GATB: variants seen among roughly 807,000 people sequenced by gnomAD.
GATB encodes the protein glutamyl-tRNA amidotransferase subunit B.
A neutral mutation model predicts 62.3 loss-of-function variants in GATB; 39 were observed. The observed-to-expected ratio is 0.63, with a 90% confidence interval of 0.48 to 0.82. GATB has a LOEUF of 0.82. GATB is among the 40% of genes least tolerant of loss of function. GATB has a pLI of 0.00. For synonymous variants in GATB, 276 were observed against 258.9 expected (o/e 1.07, Z -0.63); for missense variants, 670 against 684.0 (o/e 0.98, Z 0.23).
chr4:151,719,964 T>C (rs1474736475), intron 2 of GATB: 1 of 152,918 alleles, frequency 6.5e-6, no homozygotes, highest in African/African-American at 2.4e-5. Context: ...TGGCTTCACT[T>C]TGACAGAAAA....
chr4:151,692,396 CCA>C (rs1437657390), intron 9 of GATB, among the ~76,000 whole-genome samples: 1 of 152,210 alleles, frequency 6.6e-6, no homozygotes, highest in Non-Finnish European at 1.5e-5. Context: ...AAGCACTTTC[CCA>C]CACTTCCATT....
At chr4:151,731,318 T>C (rs1739243780) in intron 2 of GATB, among the ~76,000 whole-genome samples, 1 of 152,214 alleles carries the variant, frequency 6.6e-6, no homozygotes. Context: ...GGTTTCGCCA[T>C]GTTGGCCGGG....
chr4:151,717,947 C>T (rs902247923), intron 3 of GATB, among the ~76,000 whole-genome samples: 8 of 152,142 alleles, frequency 5.3e-5, no homozygotes, highest in Admixed American at 5.2e-4. Flanking sequence ...TGCCCACAGC[C>T]ACATACAGAG....
intron 2 of GATB, among the ~76,000 whole-genome samples, chr4:151,757,048 C>T (rs771285844): frequency 6.6e-6 from 1 of 152,126 alleles, no homozygotes; most frequent in Non-Finnish European, 1.5e-5. Flanking sequence ...GACAACTTGC[C>T]TTCCATTTTA....
At chr4:151,733,457 C>T (rs749544674) in intron 2 of GATB, among the ~76,000 whole-genome samples, 3 of 152,036 alleles carry the variant, frequency 2.0e-5, no homozygotes, top group Non-Finnish European at 2.9e-5. Context: ...TAACAAGCAG[C>T]GAGATTAAAA....
chr4:151,688,758 T>A lies in GATB; in HGVS notation c.1203A>T (p.Glu401Asp). The change falls in exon 10 of 13, where the codon GAA becomes GAT. Residue 401 changes from glutamate (E) to aspartate (D), a missense_variant. Transcript: ENST00000263985. The part of the protein sequence containing the change: ...LLEHSFTLLN[E>D]VGLLEFFQNV... The stretch of plus-strand genomic sequence containing the variant: ...TTTGGAAGAACTCCAGTAGGCCGAC[T>A]TCGTTCTGTTAAAAAAAAAAAAAGA... The A allele has an allele frequency of 6.5e-7, 1 of 1,549,588 alleles. No homozygotes were observed. The highest frequency in any genetic ancestry group is 8.6e-7 in the Non-Finnish European group (1 of 1,164,370).
intron 6 of GATB, among the ~76,000 whole-genome samples, chr4:151,707,529 G>A (rs903076791): frequency 5.3e-5 from 8 of 152,128 alleles, no homozygotes; most frequent in Non-Finnish European, 1.0e-4. Flanking sequence ...GTGGCCTCAA[G>A]CAATCCACCC....
chr4:151,708,503 G>A (rs992634142), intron 5 of GATB, among the ~76,000 whole-genome samples: 13 of 152,236 alleles, frequency 8.5e-5, no homozygotes, highest in African/African-American at 3.1e-4. Context: ...CTGAGTTGGA[G>A]GAAAGGCCTC....
rs771065940 is a variant in GATB at position 151,760,872 on chromosome 4, G to A, written c.111C>T (p.Asn37=). ...CCACTGAGCTCTCTCCCCTAATCTG[G>A]TTGGATGTGGACCCAGTCGGAGCCC... The part of the protein sequence containing the change: ...RRGAPTGSTS[N]QIRGESSVAQ... Residue 37 remains asparagine (N), a synonymous_variant, in exon 1 of 13, where the codon AAC becomes AAT. Transcript: ENST00000263985. The A allele has an allele frequency of 4.3e-6, 7 of 1,614,050 alleles. No individual in the cohort carries two copies. Among genetic ancestry groups the A allele is most frequent in the Non-Finnish European group, 5.9e-6 (7 of 1,179,964 alleles).
chr4:151,746,395 A>G (rs1311151765), intron 2 of GATB, among the ~76,000 whole-genome samples: 1 of 152,216 alleles, frequency 6.6e-6, no homozygotes, highest in East Asian at 1.9e-4. Flanking sequence ...AAGTATTACA[A>G]GTAGAAAAAT....
rs759322093 is a variant in GATB at position 151,758,801 on chromosome 4, A to G, written c.298T>C (p.Phe100Leu). 1.9e-6 allele frequency: 3 copies of G among 1,607,014 alleles called. No individual in the cohort carries two copies. Among genetic ancestry groups the G allele is most frequent in the Non-Finnish European group, 2.5e-6 (3 of 1,176,842 alleles). The change falls in exon 2 of 13, where the codon TTT (phenylalanine) becomes CTT (leucine). Residue 100 changes from phenylalanine (F) to leucine (L), a missense_variant. Physicochemically the swap from Phe to Leu is conservative, Grantham distance 22. Coordinates refer to ENST00000263985, the MANE Select transcript of GATB (RefSeq NM_004564.3). ...AAAGTTCCAGGTAGAGATGCATCAAAAAAAGAAACCAAAGAATTTGGAGGT... is the reference window on the plus strand; with the variant it reads ...AAAGTTCCAGGTAGAGATGCATCAAGAAAAGAAACCAAAGAATTTGGAGGT... ...SAPPNSLVSF[F>L]DASLPGTLPV... is the part of the protein sequence containing the mutation.
chr4:151,760,549 C>T (rs1739932668), intron 1 of GATB, among the ~76,000 whole-genome samples: 2 of 152,168 alleles, frequency 1.3e-5, no homozygotes, highest in South Asian at 4.1e-4. Context: ...TGTCTGTGCA[C>T]CCTTCAAGAA....
At chr4:151,705,651 T>G (rs1362976168) in intron 6 of GATB, among the ~76,000 whole-genome samples, 3 of 152,118 alleles carry the variant, frequency 2.0e-5, no homozygotes, top group Non-Finnish European at 4.4e-5. Context: ...ATCCCCAAAA[T>G]TATACACAAA....
At position 151,671,253 on chromosome 4, in the gene GATB, C is replaced by CCAAT. The variant is rs770731948; in HGVS notation, c.1591_1594dup (p.Gly532AspfsTer52). 2.5e-6 allele frequency: 4 copies of CCAAT among 1,613,932 alleles called. No homozygotes were observed. Among genetic ancestry groups the CCAAT allele is most frequent in the Middle Eastern group, 1.6e-4 (1 of 6,062 alleles). On this transcript the variant is annotated frameshift_variant, in exon 13 of 13. Coordinates refer to ENST00000263985, the MANE Select transcript of GATB (RefSeq NM_004564.3). LOFTEE classifies it high-confidence loss of function. Reference sequence around the variant, plus strand: ...GCTTTGAGTCGCTTTCCGGACCAACCCAATCAGTTTATTTATAGCTCTGGG... The same window carrying CCAAT: ...GCTTTGAGTCGCTTTCCGGACCAACCCAATCAATCAGTTTATTTATAGCTCTGGG...
intron 10 of GATB, among the ~76,000 whole-genome samples, chr4:151,680,352 C>T (rs1738114950): frequency 6.6e-6 from 1 of 151,748 alleles, no homozygotes; most frequent in Admixed American, 6.6e-5. Context: ...CTTTAAATTG[C>T]AAGAGATTTT....
intron 2 of GATB, among the ~76,000 whole-genome samples, chr4:151,739,380 T>A (rs984007779): frequency 3.3e-5 from 5 of 152,314 alleles, no homozygotes; most frequent in African/African-American, 1.2e-4. Context: ...TCACCAAGCC[T>A]ACGTTTGTCA....
intron 2 of GATB, among the ~76,000 whole-genome samples, chr4:151,731,297 G>C (rs1261434934): frequency 6.6e-6 from 1 of 152,150 alleles, no homozygotes; most frequent in African/African-American, 2.4e-5. Flanking sequence ...GTATTTTTTT[G>C]GTGGAGACGG....
chr4:151,698,364 T>G (rs1478017560), intron 9 of GATB, among the ~76,000 whole-genome samples: 1 of 152,200 alleles, frequency 6.6e-6, no homozygotes, highest in Non-Finnish European at 1.5e-5. Flanking sequence ...CTGAAGTTTT[T>G]CGTCATTTGT....
chr4:151,749,499 A>C (rs1346283309), intron 2 of GATB, among the ~76,000 whole-genome samples: 4 of 75,018 alleles, frequency 5.3e-5, no homozygotes, highest in Admixed American at 2.0e-4. Flanking sequence ...ATCACACACC[A>C]GGGCCTGTTG....
Sources: allele counts gnomAD v4.1 joint callset (sites outside exome capture counted in the v4.1 genomes callset), GRCh38; gene constraint gnomAD v4.1.1; transcripts MANE v1.5; gene names NCBI Gene and HGNC (gene_info 2026-07-23, HGNC 2026-07-21).